The following PDE7A variants were observed in gnomAD, a reference collection of about 807,000 sequenced individuals.
PDE7A encodes the protein phosphodiesterase 7A.
PDE7A carries 39 observed loss-of-function variants against 64.3 expected under a neutral mutation model. That is an observed-to-expected ratio of 0.61 (90% CI 0.47 to 0.79). PDE7A has a LOEUF of 0.79. Among genes scored for constraint, PDE7A ranks in the 30% least tolerant of loss-of-function variants. PDE7A has a pLI of 0.00. For missense variants in PDE7A, 470 were observed against 582.8 expected (o/e 0.81, Z 1.99); for synonymous variants, 203 against 206.8 (o/e 0.98, Z 0.16).
chr8:65,735,231 G>A (rs1397926580), intron 6 of PDE7A, among the ~76,000 whole-genome samples: 1 of 152,122 alleles, frequency 6.6e-6, no homozygotes, highest in African/African-American at 2.4e-5. Flanking sequence ...AAACACAATC[G>A]CCGAGTGAGC....
intron 1 of PDE7A, among the ~76,000 whole-genome samples, chr8:65,825,522 ACTT>A (rs1810649756): frequency 6.6e-6 from 1 of 152,152 alleles, no homozygotes; most frequent in South Asian, 2.1e-4. Context: ...ACTTTTCTAA[ACTT>A]CAACGCATTC....
chr8:65,825,551 A>G (rs1035971168), intron 1 of PDE7A, among the ~76,000 whole-genome samples: 1 of 152,232 alleles, frequency 6.6e-6, no homozygotes, highest in Non-Finnish European at 1.5e-5. Context: ...TAAGACTTGC[A>G]TATATTATAT....
intron 1 of PDE7A, among the ~76,000 whole-genome samples, chr8:65,812,043 CA>C (rs1389937557): frequency 7.4e-6 from 1 of 134,962 alleles, no homozygotes; most frequent in East Asian, 1.9e-4. Context: ...CCCATCTCTA[CA>C]AAAAATACAA....
In PDE7A at chr8:65,841,434, T is replaced by C. The variant is rs919766269; in HGVS notation, c.75A>G (p.Gly25=). 1 of 1,563,294 alleles carries C rather than the reference T, an allele frequency of 6.4e-7. No homozygotes were observed. ...CGGAGCTGGAGCTGAAGCTGATGGC[T>C]CCTCGGCGGCTGAGGACGTGCTGGG... The part of the protein sequence containing the change: ...PVPQHVLSRR[G]AISFSSSSAL... The change falls in exon 1 of 13, where the codon GGA becomes GGG. Residue 25 remains glycine (G), a synonymous_variant. Coordinates refer to ENST00000401827, the MANE Select transcript of PDE7A (RefSeq NM_001242318.3).
chr8:65,795,734 T>C (rs543848367), intron 1 of PDE7A, among the ~76,000 whole-genome samples: 1 of 152,250 alleles, frequency 6.6e-6, no homozygotes, highest in South Asian at 2.1e-4. Flanking sequence ...CTAAACTGCC[T>C]ACCAGAACAG....
At chr8:65,794,396 C>G (rs944815692) in intron 1 of PDE7A, among the ~76,000 whole-genome samples, 4 of 150,474 alleles carry the variant, frequency 2.7e-5, no homozygotes, top group Admixed American at 1.3e-4. Flanking sequence ...TTGAAAGATA[C>G]TTTTTTTAAT....
chr8:65,760,076 C>T (rs1808420669), intron 3 of PDE7A, among the ~76,000 whole-genome samples: 1 of 152,028 alleles, frequency 6.6e-6, no homozygotes, highest in Non-Finnish European at 1.5e-5. Flanking sequence ...CCCATCTCTA[C>T]TAAAAATGCA....
rs142967814 is a variant in PDE7A, at chr8:65,793,657, T to G, written c.139-10814A>C. Among the ~76,000 whole-genome samples the G allele has an allele frequency of 7.1e-3, 1,080 of 152,260 alleles. 5 individuals are homozygous for G. Among genetic ancestry groups the G allele is most frequent in the Non-Finnish European group, 0.011 (743 of 68,004 alleles). On this transcript the variant is annotated intron_variant, in intron 1 of 12. Coordinates refer to ENST00000401827, the MANE Select transcript of PDE7A (RefSeq NM_001242318.3). Reference sequence around the variant, plus strand: ...TCTGAATACCACTGCAGATGATGCATGATTACATGCATATTTTAATGTCGA... The same window carrying G: ...TCTGAATACCACTGCAGATGATGCAGGATTACATGCATATTTTAATGTCGA...
At chr8:65,780,613 A>C (rs1809388069) in intron 2 of PDE7A, among the ~76,000 whole-genome samples, 1 of 152,186 alleles carries the variant, frequency 6.6e-6, no homozygotes, top group Admixed American at 6.5e-5. Context: ...TAGGAATCTT[A>C]ATCCTCATTT....
chr8:65,793,598 T>C (rs2128926545), intron 1 of PDE7A, among the ~76,000 whole-genome samples: 1 of 152,060 alleles, frequency 6.6e-6, no homozygotes, highest in South Asian at 2.1e-4. Context: ...TGCTCCACTA[T>C]CTTCAATACG....
chr8:65,754,123 T>C (rs1044605015), intron 3 of PDE7A, among the ~76,000 whole-genome samples: 6 of 152,278 alleles, frequency 3.9e-5, no homozygotes, highest in Admixed American at 3.9e-4. Flanking sequence ...CTTGGGAGTC[T>C]GATGTTTGAG....
intron 3 of PDE7A, among the ~76,000 whole-genome samples, chr8:65,767,938 G>C (rs957347561): frequency 6.6e-6 from 1 of 152,318 alleles, no homozygotes; most frequent in Non-Finnish European, 1.5e-5. Context: ...AGTTCCAGAG[G>C]CCAGGACTTG....
At chr8:65,806,333 T>C (rs1319751444) in intron 1 of PDE7A, among the ~76,000 whole-genome samples, 1 of 151,926 alleles carries the variant, frequency 6.6e-6, no homozygotes, top group Non-Finnish European at 1.5e-5. Flanking sequence ...AGACAGAAAG[T>C]AGATTATTAA....
At chr8:65,828,057 TATATG>T (rs1224821484) in intron 1 of PDE7A, among the ~76,000 whole-genome samples, 1 of 152,128 alleles carries the variant, frequency 6.6e-6, no homozygotes, top group Non-Finnish European at 1.5e-5. Context: ...AAATTCCACT[TATATG>T]ATACTCTAAC....
At chr8:65,781,315 G>A (rs1035648030) in intron 2 of PDE7A, among the ~76,000 whole-genome samples, 2 of 152,028 alleles carry the variant, frequency 1.3e-5, no homozygotes, top group African/African-American at 2.4e-5. Context: ...GGCGTGGCAG[G>A]AGCAAGGTGA....
At chr8:65,841,229 C>T (rs1252506060) in intron 1 of PDE7A, 142 bp downstream of exon 1, 1 of 942,912 alleles carries the variant, frequency 1.1e-6, no homozygotes, top group Admixed American at 4.2e-5. Context: ...AAAGAAAAGG[C>T]TCTGCAATCG....
intron 1 of PDE7A, among the ~76,000 whole-genome samples, chr8:65,799,562 C>G (rs2128927826): frequency 1.3e-5 from 2 of 152,260 alleles, no homozygotes; most frequent in East Asian, 3.9e-4. Context: ...AGAAGATGGT[C>G]TAGACTAGGG....
At chr8:65,808,420 T>A (rs1258290723) in intron 1 of PDE7A, among the ~76,000 whole-genome samples, 1 of 152,234 alleles carries the variant, frequency 6.6e-6, no homozygotes, top group Admixed American at 6.5e-5. Context: ...CCAGTATTTA[T>A]TTCTATAAAA....
chr8:65,756,873 T>C (rs1181776842), intron 3 of PDE7A, among the ~76,000 whole-genome samples: 1 of 152,160 alleles, frequency 6.6e-6, no homozygotes, highest in Non-Finnish European at 1.5e-5. Flanking sequence ...GGAAACTGAA[T>C]TATTTTACTC....
Sources: allele counts gnomAD v4.1 joint callset (sites outside exome capture counted in the v4.1 genomes callset), GRCh38; gene constraint gnomAD v4.1.1; transcripts MANE v1.5; gene names NCBI Gene and HGNC (gene_info 2026-07-23, HGNC 2026-07-21).